The following PTPRR variants were observed in gnomAD, a reference collection of about 807,000 sequenced individuals.
PTPRR encodes receptor-type tyrosine-protein phosphatase R.
Under a neutral mutation model 77.2 loss-of-function variants are expected in PTPRR, and 38 were observed. The observed-to-expected ratio is 0.49, with a 90% confidence interval of 0.38 to 0.65. PTPRR has a LOEUF of 0.65. Ranked by LOEUF, PTPRR falls within the 30% of genes least tolerant of loss-of-function variation. The pLI is 0.00. For synonymous variants in PTPRR, 299 were observed against 283.1 expected (o/e 1.06, Z -0.57); for missense variants, 744 against 799.2 (o/e 0.93, Z 0.83).
At chr12:70,909,684 T>C (rs1458686015) in intron 1 of PTPRR, among the ~76,000 whole-genome samples, 1 of 152,182 alleles carries the variant, frequency 6.6e-6, no homozygotes, top group Non-Finnish European at 1.5e-5. Context: ...CTAGTACATA[T>C]TTCTCTAAGA....
intron 3 of PTPRR, among the ~76,000 whole-genome samples, chr12:70,762,058 T>C (rs1359594566): frequency 5.3e-5 from 8 of 152,210 alleles, no homozygotes; most frequent in African/African-American, 1.9e-4. Context: ...TTTTTATAAC[T>C]TGTGTTAATG....
chr12:70,735,576 G>C (rs141370764), intron 6 of PTPRR, among the ~76,000 whole-genome samples: 5,223 of 152,228 alleles, frequency 0.034, 312 homozygotes, highest in African/African-American at 0.12. Flanking sequence ...GATTTGGGTG[G>C]GGACATAGCC....
intron 2 of PTPRR, among the ~76,000 whole-genome samples, chr12:70,838,090 T>C (rs1892335327): frequency 6.6e-6 from 1 of 152,170 alleles, no homozygotes; most frequent in Non-Finnish European, 1.5e-5. Context: ...AGAGAGCTAT[T>C]GACCTGAAAT....
At chr12:70,788,975 T>TG in intron 2 of PTPRR, 4 of 1,158,334 alleles carry the variant, frequency 3.5e-6, no homozygotes, top group Non-Finnish European at 4.6e-6. Context: ...AACCGCCTGG[T>TG]ACTGTTTCTA....
intron 2 of PTPRR, among the ~76,000 whole-genome samples, chr12:70,802,417 A>G (rs944198687): frequency 1.3e-5 from 2 of 152,196 alleles, no homozygotes; most frequent in African/African-American, 2.4e-5. Context: ...TAATCAATAT[A>G]TGGTCATGGG....
At chr12:70,705,445 G>A (rs997706750) in intron 6 of PTPRR, among the ~76,000 whole-genome samples, 10 of 151,878 alleles carry the variant, frequency 6.6e-5, no homozygotes, top group Non-Finnish European at 1.3e-4. Flanking sequence ...GCAGTACTTT[G>A]GTCACTGAGA....
intron 1 of PTPRR, among the ~76,000 whole-genome samples, chr12:70,903,489 G>C (rs1893573987): frequency 6.6e-6 from 1 of 151,668 alleles, no homozygotes; most frequent in South Asian, 2.1e-4. Context: ...GAACAATAAA[G>C]GACAGCCTTT....
chr12:70,902,538 G>A (rs1893554911), intron 1 of PTPRR, among the ~76,000 whole-genome samples: 1 of 151,612 alleles, frequency 6.6e-6, no homozygotes, highest in African/African-American at 2.4e-5. Context: ...TACACACAAT[G>A]GAATACTACT....
intron 2 of PTPRR, among the ~76,000 whole-genome samples, chr12:70,871,811 T>C (rs1443031756): frequency 1.3e-5 from 2 of 152,194 alleles, no homozygotes; most frequent in Non-Finnish European, 2.9e-5. Context: ...TGTTCTCTGA[T>C]AGTGAAATTT....
chr12:70,840,216 A>C (rs1007891635), intron 2 of PTPRR, among the ~76,000 whole-genome samples: 2 of 151,832 alleles, frequency 1.3e-5, no homozygotes, highest in African/African-American at 4.8e-5. Context: ...TTTTTTCCTC[A>C]TTCCAGCTTC....
At chr12:70,722,980 C>T (rs576172512) in intron 6 of PTPRR, among the ~76,000 whole-genome samples, 26 of 152,336 alleles carry the variant, frequency 1.7e-4, no homozygotes, top group South Asian at 8.3e-4. Flanking sequence ...ACAAGTTTTA[C>T]GCACTGAGTT....
Position 70,808,217 on chromosome 12 carries a change from G to A in PTPRR, c.358-43439C>T, listed in dbSNP as rs573896480. On this transcript the variant is annotated intron_variant, in intron 2 of 13. Transcript: ENST00000283228. ...GGAAATTCCAGCCTGGCAAATTCTA[G>A]TCAGACTGGTTCTCTGCTCTTGAAC... is the stretch of plus-strand genomic sequence containing the variant. 5.9e-5 allele frequency among the ~76,000 whole-genome samples: 9 copies of A among 152,204 alleles called. No homozygotes were observed. In the South Asian group the frequency reaches 1.9e-3, roughly 32 times the overall value.
intron 2 of PTPRR, among the ~76,000 whole-genome samples, chr12:70,862,681 G>A (rs1892774164): frequency 6.6e-6 from 1 of 151,552 alleles, no homozygotes; most frequent in Non-Finnish European, 1.5e-5. Context: ...CATGGCACAT[G>A]TATACATATG....
intron 2 of PTPRR, among the ~76,000 whole-genome samples, chr12:70,835,888 G>A (rs896062135): frequency 1.8e-4 from 28 of 151,916 alleles, no homozygotes; most frequent in African/African-American, 6.1e-4. Flanking sequence ...TCATTGAAAC[G>A]GTAGCTCAGT....
rs1888358935 is a variant in PTPRR at position 70,699,899 on chromosome 12, G to C, written c.1194+1238C>G. On this transcript the variant is annotated intron_variant, in intron 7 of 13. Transcript: ENST00000283228. ...CACACTGACAGTCTGTCATCTTCCAGCATTCTCTTTCTCCTGTGTACTCCT... is the reference window on the plus strand; with the variant it reads ...CACACTGACAGTCTGTCATCTTCCACCATTCTCTTTCTCCTGTGTACTCCT... 2.6e-5 allele frequency among the ~76,000 whole-genome samples: 4 copies of C among 151,964 alleles called. No homozygotes were observed. The South Asian group carries it at 8.3e-4, about 32-fold the overall frequency.
chr12:70,916,861 A>G (rs560768445), intron 1 of PTPRR, among the ~76,000 whole-genome samples: 1 of 152,336 alleles, frequency 6.6e-6, no homozygotes, highest in South Asian at 2.1e-4. Context: ...TGTGCCATTC[A>G]AAAAGGCTGA....
At chr12:70,685,666 C>CG (rs1887841008) in intron 8 of PTPRR, among the ~76,000 whole-genome samples, 1 of 145,484 alleles carries the variant, frequency 6.9e-6, no homozygotes, top group South Asian at 2.1e-4. Context: ...AAAAACGAAA[C>CG]AAAACAAAAC....
chr12:70,716,262 C>G (rs1354569240), intron 6 of PTPRR, among the ~76,000 whole-genome samples: 1 of 151,512 alleles, frequency 6.6e-6, no homozygotes, highest in Non-Finnish European at 1.5e-5. Context: ...TATATATGTA[C>G]TCTAACTTTA....
At chr12:70,686,474 T>C (rs1022928088) in intron 8 of PTPRR, among the ~76,000 whole-genome samples, 3 of 152,214 alleles carry the variant, frequency 2.0e-5, no homozygotes, top group Admixed American at 1.3e-4. Context: ...CATCCAATTA[T>C]CTGACACTCC....
Sources: gnomAD v4.1 joint callset for allele counts (sites outside exome capture counted in the v4.1 genomes callset) on GRCh38, gnomAD v4.1.1 for gene constraint, MANE v1.5 for transcripts, NCBI Gene and HGNC (gene_info 2026-07-23, HGNC 2026-07-21) for gene names.